RORA: variants seen among roughly 807,000 people sequenced by gnomAD.
RORA encodes RAR related orphan receptor A.
Under a neutral mutation model 69.5 loss-of-function variants are expected in RORA, and 7 were observed. That is an observed-to-expected ratio of 0.10 (90% confidence interval 0.06 to 0.19). The LOEUF (loss-of-function observed/expected upper bound fraction) is 0.19, where lower values mean the gene tolerates loss of function less well. RORA is among the 10% of genes least tolerant of loss of function. The pLI is 1.00. For synonymous variants in RORA, 261 were observed against 240.8 expected (o/e 1.08, Z -0.78); for missense variants, 457 against 663.0 (o/e 0.69, Z 3.41).
At chr15:61,180,143 C>CAA (rs71456351) in intron 1 of RORA, among the ~76,000 whole-genome samples, 386 of 35,674 alleles carry the variant, frequency 0.011, 5 homozygotes, top group Middle Eastern at 0.03. Context: ...GACTCCATCT[C>CAA]AAAAAAAAAA....
chr15:61,139,462 T>A (rs2079277306), intron 1 of RORA, among the ~76,000 whole-genome samples: 1 of 152,148 alleles, frequency 6.6e-6, no homozygotes, highest in Non-Finnish European at 1.5e-5. Flanking sequence ...TAAAAAGTAA[T>A]TCACAAAAAG....
intron 1 of RORA, among the ~76,000 whole-genome samples, chr15:60,917,484 C>T (rs150634390): frequency 1.4e-4 from 21 of 152,156 alleles, no homozygotes; most frequent in African/African-American, 4.1e-4. Context: ...GAAAGTTCTA[C>T]GAGCCTAGCC....
chr15:61,143,516 T>C (rs1324485561), intron 1 of RORA, among the ~76,000 whole-genome samples: 1 of 152,230 alleles, frequency 6.6e-6, no homozygotes, highest in East Asian at 1.9e-4. Context: ...TTATTAACTC[T>C]ATTGGCTATT....
At chr15:61,060,626 T>C (rs2078170514) in intron 1 of RORA, among the ~76,000 whole-genome samples, 1 of 152,110 alleles carries the variant, frequency 6.6e-6, no homozygotes, top group Admixed American at 6.5e-5. Flanking sequence ...GGTTCTAGCT[T>C]TCTCATGCCA....
At chr15:61,072,747 T>C (rs1488469385) in intron 1 of RORA, among the ~76,000 whole-genome samples, 1 of 152,000 alleles carries the variant, frequency 6.6e-6, no homozygotes, top group Non-Finnish European at 1.5e-5. Flanking sequence ...CTAATGGGGG[T>C]CAAGACATAT....
chr15:60,668,990 G>A (rs890730506), intron 2 of RORA, among the ~76,000 whole-genome samples: 1 of 152,306 alleles, frequency 6.6e-6, no homozygotes. Context: ...CCTAAGGAGT[G>A]AGCAAGGTTT....
intron 2 of RORA, among the ~76,000 whole-genome samples, chr15:60,668,740 AT>A (rs1414965772): frequency 1.3e-5 from 2 of 152,246 alleles, no homozygotes; most frequent in Non-Finnish European, 2.9e-5. Flanking sequence ...AGAGAGATAA[AT>A]TAACTCAATA....
chr15:60,630,971 C>T (rs2069724634), intron 2 of RORA, among the ~76,000 whole-genome samples: 1 of 145,922 alleles, frequency 6.9e-6, no homozygotes, highest in African/African-American at 2.6e-5. Context: ...ACTGCAACCT[C>T]CTCCACCTCC....
chr15:60,841,812 G>A (rs1055273503), intron 1 of RORA, among the ~76,000 whole-genome samples: 1 of 152,094 alleles, frequency 6.6e-6, no homozygotes, highest in African/African-American at 2.4e-5. Flanking sequence ...TGTCACTTGT[G>A]AGGAAAGTAG....
intron 1 of RORA, among the ~76,000 whole-genome samples, chr15:61,018,185 T>A (rs1004902342): frequency 6.6e-6 from 1 of 152,212 alleles, no homozygotes; most frequent in Non-Finnish European, 1.5e-5. Context: ...TAATTGTCCA[T>A]AATCCAGGCT....
At chr15:61,119,695 T>G (rs2079085261) in intron 1 of RORA, among the ~76,000 whole-genome samples, 1 of 152,120 alleles carries the variant, frequency 6.6e-6, no homozygotes, top group South Asian at 2.1e-4. Context: ...GCTATACTCC[T>G]TCCCTGTCCC....
chr15:60,875,610 T>C (rs956820760), intron 1 of RORA, among the ~76,000 whole-genome samples: 2 of 152,220 alleles, frequency 1.3e-5, no homozygotes, highest in Non-Finnish European at 2.9e-5. Context: ...TGGGCTGTGC[T>C]GTATGGAGAG....
intron 1 of RORA, among the ~76,000 whole-genome samples, chr15:61,220,388 G>C (rs550970845): frequency 6.6e-6 from 1 of 152,198 alleles, no homozygotes; most frequent in Non-Finnish European, 1.5e-5. Flanking sequence ...ACTGGAAAGT[G>C]AAAATGAAAA....
At chr15:61,019,681 T>C (rs1382464413) in intron 1 of RORA, among the ~76,000 whole-genome samples, 2 of 152,160 alleles carry the variant, frequency 1.3e-5, no homozygotes, top group East Asian at 1.9e-4. Flanking sequence ...ATTCAGCTAC[T>C]TCAAGTCTCT....
rs566060622 is a variant in RORA at position 61,044,857 on chromosome 15, A to G, written c.166+184196T>C. 1.3e-4 allele frequency among the ~76,000 whole-genome samples: 20 copies of G among 152,336 alleles called. No homozygotes were observed. The South Asian group carries it at 4.1e-3, about 32-fold the overall frequency. ...AGAGATCCCCAGGTAATCTGCATGC[A>G]CATTAAAGTCTGTGAAGCACTGCCC... On this transcript the variant is annotated intron_variant, in intron 1 of 10. Coordinates refer to ENST00000335670, the MANE Select transcript of RORA (RefSeq NM_134261.3).
intron 1 of RORA, among the ~76,000 whole-genome samples, chr15:60,867,256 G>C (rs1235485300): frequency 6.6e-6 from 1 of 152,178 alleles, no homozygotes; most frequent in Non-Finnish European, 1.5e-5. Flanking sequence ...TGAGCCTGAG[G>C]AGGGGTACTG....
chr15:60,826,701 T>C lies in RORA; in HGVS notation c.167-148015A>G, dbSNP rs28526524. On this transcript the variant is annotated intron_variant, in intron 1 of 10. Coordinates refer to ENST00000335670, the MANE Select transcript of RORA (RefSeq NM_134261.3). ...GAGGAGGGTATAATTTATCTGAAAA[T>C]GACTGGTACTTTCCTGGCCTGGGGA... 9.5e-3 allele frequency among the ~76,000 whole-genome samples: 1,424 copies of C among 149,232 alleles called. 20 individuals are homozygous for C. The highest frequency in any genetic ancestry group is 0.034 in the African/African-American group (1,361 of 40,342).
intron 1 of RORA, among the ~76,000 whole-genome samples, chr15:61,026,639 A>T (rs904155322): frequency 1.3e-5 from 2 of 152,216 alleles, no homozygotes. Context: ...TTGTGCCTTC[A>T]CCAATTCTAT....
chr15:60,865,849 G>A (rs972312667), intron 1 of RORA, among the ~76,000 whole-genome samples: 1 of 152,146 alleles, frequency 6.6e-6, no homozygotes. Context: ...CAATAGCTGA[G>A]AGCTATAATG....
Sources: allele counts gnomAD v4.1 joint callset (sites outside exome capture counted in the v4.1 genomes callset), GRCh38; gene constraint gnomAD v4.1.1; transcripts MANE v1.5; gene names NCBI Gene and HGNC (gene_info 2026-07-23, HGNC 2026-07-21).